NUP35: variants seen among roughly 807,000 people sequenced by gnomAD.
NUP35 encodes the protein nucleoporin 35.
In NUP35, 25 loss-of-function variants were observed where a neutral mutation model predicts 41.5. The observed-to-expected ratio is 0.60, with a 90% CI of 0.44 to 0.84. The LOEUF (loss-of-function observed/expected upper bound fraction) is 0.84. NUP35 is among the 40% of genes least tolerant of loss of function. The pLI is 0.00. For missense variants in NUP35, 396 were observed against 396.6 expected (o/e 1.00, Z 0.01); for synonymous variants, 149 against 130.7 (o/e 1.14, Z -0.96).
At chr2:183,136,643 T>C (rs1684883599) in intron 4 of NUP35, among the ~76,000 whole-genome samples, 1 of 152,222 alleles carries the variant, frequency 6.6e-6, no homozygotes, top group Admixed American at 6.5e-5. Flanking sequence ...GCTCATTCGA[T>C]TTTATCAGGC....
At chr2:183,158,094 T>C (rs1037052631) in intron 6 of NUP35, among the ~76,000 whole-genome samples, 189 bp from the exon 7 acceptor site, 7 of 152,128 alleles carry the variant, frequency 4.6e-5, no homozygotes, top group Non-Finnish European at 8.8e-5. Context: ...TACATGTTGA[T>C]TGTAGAGAAT....
At chr2:183,119,590 C>G (rs1401035824), upstream of NUP35, among the ~76,000 whole-genome samples, 1 of 151,972 alleles carries the variant, frequency 6.6e-6, no homozygotes, top group African/African-American at 2.4e-5. Flanking sequence ...ATGTGAAGAG[C>G]TGTTCACAAG....
intron 4 of NUP35, among the ~76,000 whole-genome samples, chr2:183,143,563 C>T (rs1220327478): frequency 6.6e-6 from 1 of 152,200 alleles, no homozygotes; most frequent in Admixed American, 6.5e-5. Flanking sequence ...TTACAGTTGT[C>T]TTCTGCTGTC....
chr2:183,157,336 C>G lies in NUP35; in HGVS notation c.540-108C>G, dbSNP rs377582405. 10 of 826,810 alleles carry G rather than the reference C, an allele frequency of 1.2e-5. No individual in the cohort carries two copies. The South Asian group carries it at 1.4e-4, about 12-fold the overall frequency. The allele number at this position is 826,810 out of a possible 1,614,324, so 51.2% of individuals were successfully genotyped here. ...AGGATGATCAGCACTCTCCTGTTAA[C>G]GTTCTAGACAGTTGGGGGCCATTTA... is the stretch of plus-strand genomic sequence containing the variant. On this transcript the variant is annotated intron_variant, in intron 5 of 8. Transcript: ENST00000295119.
chr2:183,132,884 A>C (rs147107376), intron 3 of NUP35, among the ~76,000 whole-genome samples: 106 of 152,322 alleles, frequency 7.0e-4, no homozygotes, highest in African/African-American at 2.2e-3. Context: ...TTCTCTCAGC[A>C]TTTAGTTCTG....
intron 4 of NUP35, among the ~76,000 whole-genome samples, chr2:183,136,294 C>T (rs553301970): frequency 8.5e-5 from 13 of 152,280 alleles, no homozygotes; most frequent in South Asian, 2.1e-4. Context: ...AAACAATACA[C>T]GTATTATCTT....
At chr2:183,136,678 C>A (rs1250891860) in intron 4 of NUP35, among the ~76,000 whole-genome samples, 2 of 152,154 alleles carry the variant, frequency 1.3e-5, no homozygotes, top group Non-Finnish European at 2.9e-5. Flanking sequence ...TGAGATAGTT[C>A]CTTATTCTAA....
At chr2:183,123,871 T>C (rs2251775), upstream of NUP35, 190,934 of 933,846 alleles carry the variant, frequency 0.2, 21,082 homozygotes, top group African/African-American at 0.39. Flanking sequence ...ACTTTATGCG[T>C]TCGTTAGCTA....
At chr2:183,126,273 C>T (rs981255460) in intron 1 of NUP35, among the ~76,000 whole-genome samples, 4 of 152,242 alleles carry the variant, frequency 2.6e-5, no homozygotes, top group African/African-American at 9.6e-5. Context: ...GAGCGATCCA[C>T]CTGCCTCGGC....
At chr2:183,144,484 T>G (rs993061796) in intron 4 of NUP35, among the ~76,000 whole-genome samples, 7 of 152,264 alleles carry the variant, frequency 4.6e-5, no homozygotes, top group African/African-American at 1.7e-4. Flanking sequence ...TCGTATCTAT[T>G]TAAAATTTAC....
At chr2:183,150,661 T>A (rs1463616761) in intron 4 of NUP35, among the ~76,000 whole-genome samples, 1 of 152,198 alleles carries the variant, frequency 6.6e-6, no homozygotes, top group East Asian at 1.9e-4. Flanking sequence ...ATTTACTTAT[T>A]TGTCTCTCTT....
intron 2 of NUP35, among the ~76,000 whole-genome samples, chr2:183,129,764 G>A (rs1485844515): frequency 6.6e-6 from 1 of 152,212 alleles, no homozygotes; most frequent in African/African-American, 2.4e-5. Flanking sequence ...CATAGACTGT[G>A]CTCTAAATAG....
At position 183,137,742 on chromosome 2, in the gene NUP35, A is replaced by G. The variant is rs1684926544; in HGVS notation, c.397+4119A>G. On this transcript the variant is annotated intron_variant, in intron 4 of 8. Coordinates refer to ENST00000295119, the MANE Select transcript of NUP35 (RefSeq NM_138285.5). ...GGGGAGTTTAAGGCTGTAGGCAGCT[A>G]TGATTGCACCACTGCACGCGAGCCT... Among the ~76,000 whole-genome samples the G allele has an allele frequency of 2.6e-5, 4 of 151,862 alleles. No homozygotes were observed. The South Asian group carries it at 6.2e-4, about 24-fold the overall frequency.
At chr2:183,127,214 A>G (rs1057425885) in intron 1 of NUP35, among the ~76,000 whole-genome samples, 5 of 152,140 alleles carry the variant, frequency 3.3e-5, no homozygotes, top group East Asian at 1.9e-4. Context: ...TTTTGTATCA[A>G]TTGTGAGGTT....
chr2:183,147,598 T>G (rs1685325482), intron 4 of NUP35, among the ~76,000 whole-genome samples: 1 of 152,232 alleles, frequency 6.6e-6, no homozygotes. Context: ...TCCCATAGTT[T>G]GAAGTCAGGT....
upstream of NUP35, among the ~76,000 whole-genome samples, chr2:183,121,289 A>C (rs2105524900): frequency 6.6e-6 from 1 of 152,286 alleles, no homozygotes; most frequent in East Asian, 1.9e-4. Flanking sequence ...AAAAATCAAA[A>C]TAGTAAAGAT....
intron 4 of NUP35, among the ~76,000 whole-genome samples, chr2:183,146,795 C>T (rs1685295840): frequency 1.3e-5 from 2 of 152,084 alleles, no homozygotes; most frequent in African/African-American, 4.8e-5. Flanking sequence ...TGGGGTTTCG[C>T]CATGTTGTCC....
Position 183,133,634 on chromosome 2 carries a change from CTTTCTT to C in NUP35, c.397+15_397+20del. 1.4e-6 allele frequency: 2 copies of C among 1,405,416 alleles called. No homozygotes were observed. The highest frequency in any genetic ancestry group is 9.4e-7 in the Non-Finnish European group (1 of 1,061,216). The allele number at this position is 1,405,416 out of a possible 1,614,324, so 87.1% of individuals were successfully genotyped here. ...CTACTCCTGGAACAGGTAAGTGATTCTTTCTTTTTTTTTTTTTTTTTAAAAGACAGG... is the reference window on the plus strand; with the variant it reads ...CTACTCCTGGAACAGGTAAGTGATTCTTTTTTTTTTTTTTTAAAAGACAGG... On this transcript the variant is annotated intron_variant, in intron 4 of 8. Coordinates refer to ENST00000295119, the MANE Select transcript of NUP35 (RefSeq NM_138285.5).
At position 183,158,274 on chromosome 2, in the gene NUP35, T is replaced by C; in HGVS notation, c.610-9T>C. 1.3e-6 allele frequency: 2 copies of C among 1,533,926 alleles called. No homozygotes were observed. The highest frequency in any genetic ancestry group is 1.8e-6 in the Non-Finnish European group (2 of 1,134,504). ...TTTCTATTTTAAGAGACAGTTTTAT[T>C]CTTTGCAGATGTCTAATACAGGAAA... On this transcript the variant is annotated splice_polypyrimidine_tract_variant and intron_variant, in intron 6 of 8. Transcript: ENST00000295119.
Sources: gnomAD v4.1 joint callset for allele counts (sites outside exome capture counted in the v4.1 genomes callset) on GRCh38, gnomAD v4.1.1 for gene constraint, MANE v1.5 for transcripts, NCBI Gene and HGNC (gene_info 2026-07-23, HGNC 2026-07-21) for gene names.